DHTKD1: variants seen among roughly 807,000 people sequenced by gnomAD.
The protein encoded by DHTKD1 is 2-oxoadipate dehydrogenase complex component E1.
In DHTKD1, 78 loss-of-function variants were observed where a neutral mutation model predicts 101.8. The ratio of observed to expected loss-of-function variants is 0.77; its 90% confidence interval spans 0.64 to 0.93. The LOEUF is 0.93. DHTKD1 is among the 40% of genes least tolerant of loss of function. DHTKD1 has a pLI of 0.00. For synonymous variants in DHTKD1, 462 were observed against 450.3 expected (o/e 1.03, Z -0.33); for missense variants, 1,223 against 1,161.7 (o/e 1.05, Z -0.77).
At chr10:12,100,543 G>A (rs923681169) in intron 9 of DHTKD1, among the ~76,000 whole-genome samples, 42 of 151,988 alleles carry the variant, frequency 2.8e-4, no homozygotes, top group African/African-American at 8.5e-4. Flanking sequence ...GATTATGGGC[G>A]TGAGCCACCG....
At chr10:12,084,246 C>G (rs1832866584) in intron 2 of DHTKD1, among the ~76,000 whole-genome samples, 1 of 151,934 alleles carries the variant, frequency 6.6e-6, no homozygotes, top group South Asian at 2.1e-4. Context: ...TTATTAAGAA[C>G]AAAGCACTCT....
chr10:12,115,333 G>A (rs1441681068), intron 13 of DHTKD1, among the ~76,000 whole-genome samples: 1 of 152,200 alleles, frequency 6.6e-6, no homozygotes, highest in Non-Finnish European at 1.5e-5. Context: ...CTGGCCTCAA[G>A]TGATTGGGCT....
chr10:12,072,068 CG>C (rs1832658712), intron 1 of DHTKD1, among the ~76,000 whole-genome samples: 1 of 152,140 alleles, frequency 6.6e-6, no homozygotes, highest in Admixed American at 6.6e-5. Flanking sequence ...CAGCGTGCGC[CG>C]GGTTCACTGG....
At position 12,118,762 on chromosome 10, in the gene DHTKD1, G is replaced by A. The variant is rs763567671; in HGVS notation, c.2416G>A (p.Val806Met). 3.2e-6 allele frequency: 5 copies of A among 1,579,324 alleles called. No individual in the cohort carries two copies. The highest frequency in any genetic ancestry group is 1.9e-5 in the Admixed American group (1 of 53,142). The stretch of plus-strand genomic sequence containing the variant: ...TCTGTCCAACAGGGTTAAGACCCTC[G>A]TGTTCTGCTCCGGCAAACATTTCTA... ...SVDPKKVKTL[V>M]FCSGKHFYSL... The change falls in exon 15 of 17, where the codon GTG becomes ATG. Residue 806 changes from valine (V) to methionine (M), a missense_variant. By Grantham distance (21) the Val-to-Met change is conservative (BLOSUM62 1). Coordinates refer to ENST00000263035, the MANE Select transcript of DHTKD1 (RefSeq NM_018706.7).
intron 5 of DHTKD1, among the ~76,000 whole-genome samples, chr10:12,091,240 G>T (rs1452173036): frequency 2.6e-5 from 4 of 151,376 alleles, no homozygotes; most frequent in Non-Finnish European, 4.4e-5. Flanking sequence ...GTGAAACCCC[G>T]CCTCTACTAA....
Position 12,087,492 on chromosome 10 carries a change from T to G in DHTKD1, c.523-43T>G, listed in dbSNP as rs572285027. 3 of 1,527,152 alleles carry G rather than the reference T, an allele frequency of 2.0e-6. No homozygotes were observed. The South Asian group carries it at 3.8e-5, about 19-fold the overall frequency. The allele number at this position is 1,527,152 out of a possible 1,614,324, so 94.6% of individuals were successfully genotyped here. On this transcript the variant is annotated intron_variant, in intron 3 of 16. Coordinates refer to ENST00000263035, the MANE Select transcript of DHTKD1 (RefSeq NM_018706.7). The surrounding 1 kb of genome is among the most constrained non-coding windows in gnomAD (Gnocchi z 5.2). The stretch of plus-strand genomic sequence containing the variant: ...CTTATCTGCCTTCCACTGGAGAAGC[T>G]GGCTGTCTCCTGGCAGCTCACGTCT...
chr10:12,072,618 G>A (rs1440026883), intron 1 of DHTKD1, among the ~76,000 whole-genome samples: 1 of 152,126 alleles, frequency 6.6e-6, no homozygotes, highest in African/African-American at 2.4e-5. Context: ...CTAGGTATTT[G>A]TAACAGCTTG....
chr10:12,070,010 G>C (rs1325018572), intron 1 of DHTKD1, among the ~76,000 whole-genome samples: 1 of 152,124 alleles, frequency 6.6e-6, no homozygotes, highest in Admixed American at 6.6e-5. Context: ...TTGGAAGACA[G>C]CATGATATTT....
chr10:12,096,087 A>T (rs892914024), intron 7 of DHTKD1, among the ~76,000 whole-genome samples: 1 of 152,154 alleles, frequency 6.6e-6, no homozygotes, highest in African/African-American at 2.4e-5. Context: ...AGAAAATTTT[A>T]AATTACTCAT....
rs571616735 is a variant in DHTKD1 at position 12,104,667 on chromosome 10, C to A, written c.1897-1579C>A. Among the ~76,000 whole-genome samples the A allele has an allele frequency of 2.6e-5, 4 of 152,168 alleles. No homozygotes were observed. The South Asian group carries it at 8.3e-4, about 32-fold the overall frequency. On this transcript the variant is annotated intron_variant, in intron 10 of 16. Coordinates refer to ENST00000263035, the MANE Select transcript of DHTKD1 (RefSeq NM_018706.7). ...GGAGTGTAGTGATGCAATCACTGCT[C>A]ACTGCAGCCTCGACCTCCTGTGTCC...
chr10:12,077,458 C>T (rs1832751401), intron 1 of DHTKD1, among the ~76,000 whole-genome samples: 1 of 152,174 alleles, frequency 6.6e-6, no homozygotes, highest in Admixed American at 6.6e-5. Flanking sequence ...AACTCCTGAC[C>T]TCAGGTGATG....
At chr10:12,098,801 T>C (rs754565843) in intron 8 of DHTKD1, among the ~76,000 whole-genome samples, 1 of 152,122 alleles carries the variant, frequency 6.6e-6, no homozygotes, top group African/African-American at 2.4e-5. Context: ...CTGACCTCAA[T>C]TGATCCATCC....
At chr10:12,075,598 C>A (rs1432372707) in intron 1 of DHTKD1, among the ~76,000 whole-genome samples, 1 of 152,108 alleles carries the variant, frequency 6.6e-6, no homozygotes, top group Non-Finnish European at 1.5e-5. Context: ...TGGTCTCAAA[C>A]CCTTGACCTC....
intron 1 of DHTKD1, among the ~76,000 whole-genome samples, chr10:12,073,954 T>G (rs2131346127): frequency 6.6e-6 from 1 of 152,344 alleles, no homozygotes; most frequent in Admixed American, 6.5e-5. Context: ...GCCTCTGATA[T>G]TCTCCTTTAT....
In DHTKD1 at chr10:12,091,622, A is replaced by G. The variant is rs372611695; in HGVS notation, c.1097A>G (p.Asn366Ser). The G allele has an allele frequency of 1.9e-6, 3 of 1,613,720 alleles. No individual in the cohort carries two copies. The African/African-American group carries it at 4.0e-5, about 22-fold the overall frequency. The change falls in exon 6 of 17, where the codon AAC (asparagine) becomes AGC (serine). Residue 366 changes from asparagine (N) to serine (S), a missense_variant. By Grantham distance (46) the Asn-to-Ser change is conservative. Coordinates refer to ENST00000263035, the MANE Select transcript of DHTKD1 (RefSeq NM_018706.7). Reference protein sequence around the residue: ...IGGSVHLIVNNQLGYTTPAER... With the variant: ...IGGSVHLIVNSQLGYTTPAER... Reference sequence around the variant, plus strand: ...GGGAGTGTGCATTTGATTGTTAATAACCAGCTGGGTTACACCACTCCAGCT... The same window carrying G: ...GGGAGTGTGCATTTGATTGTTAATAGCCAGCTGGGTTACACCACTCCAGCT...
intron 7 of DHTKD1, among the ~76,000 whole-genome samples, chr10:12,095,709 A>G (rs1286717996): frequency 1.4e-5 from 2 of 146,266 alleles, no homozygotes; most frequent in African/African-American, 5.0e-5. Context: ...GCTACTCGGG[A>G]GGCTGAGGCA....
intron 2 of DHTKD1, among the ~76,000 whole-genome samples, chr10:12,081,950 A>G (rs1308019532): frequency 6.7e-6 from 1 of 148,950 alleles, no homozygotes; most frequent in Admixed American, 6.7e-5. Context: ...ACATAGTGAG[A>G]CTGTCTCTAC....
intron 12 of DHTKD1, among the ~76,000 whole-genome samples, chr10:12,111,778 A>C (rs1283794597): frequency 1.3e-5 from 2 of 152,110 alleles, no homozygotes; most frequent in Non-Finnish European, 2.9e-5. Flanking sequence ...AAAGGTGTGA[A>C]TTAGTCACCT....
At chr10:12,086,843 A>G (rs1368772582) in intron 3 of DHTKD1, among the ~76,000 whole-genome samples, 2 of 152,038 alleles carry the variant, frequency 1.3e-5, no homozygotes, top group African/African-American at 2.4e-5. Flanking sequence ...GGTGCACACC[A>G]CCACACCCGG....
Sources: gnomAD v4.1 joint callset for allele counts (sites outside exome capture counted in the v4.1 genomes callset) on GRCh38, gnomAD v4.1.1 for gene constraint, Gnocchi (gnomAD v3.1) non-coding constraint, MANE v1.5 for transcripts, NCBI Gene and HGNC (gene_info 2026-07-23, HGNC 2026-07-21) for gene names.